The following NAP1L4 variants were observed in gnomAD, a reference collection of about 807,000 sequenced individuals.
NAP1L4 encodes the protein nucleosome assembly protein 1-like 4.
NAP1L4 carries 15 observed loss-of-function variants against 58.2 expected under a neutral mutation model. The observed-to-expected ratio is 0.26, with a 90% CI of 0.17 to 0.40. The LOEUF is 0.40. NAP1L4 is among the 10% of genes least tolerant of loss of function. NAP1L4 has a pLI of 1.00. For synonymous variants in NAP1L4, 171 were observed against 155.6 expected, an observed-to-expected ratio of 1.10 and a Z score of -0.74; for missense variants, 384 against 451.1, an observed-to-expected ratio of 0.85 and a Z score of 1.35.
At position 2,946,722 on chromosome 11, in the gene NAP1L4, C is replaced by T. The variant is rs1845957487; in HGVS notation, c.*33-1076G>A. Among the ~76,000 whole-genome samples the T allele has an allele frequency of 6.6e-6, 1 of 152,202 alleles. No individual in the cohort carries two copies. Among genetic ancestry groups the T allele is most frequent in the African/African-American group, 2.4e-5 (1 of 41,454 alleles). On this transcript the variant is annotated intron_variant, in intron 15 of 15. Coordinates refer to ENST00000380542, the MANE Select transcript of NAP1L4 (RefSeq NM_005969.4). The surrounding 1 kb of genome is among the most constrained non-coding windows in gnomAD (Gnocchi z 4.8). ...AAAACAAAATCAATAACCTTGAACC[C>T]TGGTGTCTAAGCTCCCAATCTCAGC...
chr11:2,966,970 G>C (rs1847317352), intron 7 of NAP1L4, among the ~76,000 whole-genome samples: 1 of 152,200 alleles, frequency 6.6e-6, no homozygotes, highest in Non-Finnish European at 1.5e-5. Context: ...AGGAAGCAAA[G>C]GCACAACACT....
chr11:2,987,275 T>A (rs958708340), intron 1 of NAP1L4, among the ~76,000 whole-genome samples: 2 of 151,994 alleles, frequency 1.3e-5, no homozygotes, highest in African/African-American at 4.8e-5. Flanking sequence ...GTTGTTAAAC[T>A]TTCCATGATA....
In NAP1L4 at chr11:2,944,648, C is replaced by G. The variant is rs986240438; in HGVS notation, c.*1031G>C. 1.3e-5 allele frequency: 2 copies of G among 152,266 alleles called. No homozygotes were observed. 9.4% of individuals were successfully genotyped at this position (152,266 alleles called of 1,614,324 possible). ...CAAGCGGTCACACCAAACCCAGGACCTTCAGACAGGATGAATGGTGGGGCC... is the reference window on the plus strand; with the variant it reads ...CAAGCGGTCACACCAAACCCAGGACGTTCAGACAGGATGAATGGTGGGGCC... On this transcript the variant is annotated 3_prime_UTR_variant, in exon 16 of 16. Transcript: ENST00000380542.
rs1330220308 is a variant in NAP1L4, at chr11:2,958,499, G to C, written c.792C>G (p.Thr264=). 1 of 1,613,906 alleles carries C rather than the reference G, an allele frequency of 6.2e-7. No homozygotes were observed. Among genetic ancestry groups the C allele is most frequent in the East Asian group, 2.2e-5 (1 of 44,898 alleles). Residue 264 remains threonine, a synonymous_variant, in exon 10 of 16, where the codon ACC becomes ACG. Transcript: ENST00000380542. ...WKKGKNVTVK[T]IKKKQKHKGR... is the part of the protein sequence containing the mutation. Reference sequence around the variant, plus strand: ...CCTTATGCTTCTGCTTTTTCTTGATGGTTTTGACAGTAACATTCTTTCCTT... The same window carrying C: ...CCTTATGCTTCTGCTTTTTCTTGATCGTTTTGACAGTAACATTCTTTCCTT...
At position 2,978,358 on chromosome 11, in the gene NAP1L4, G is replaced by A; in HGVS notation, c.15-16C>T. The A allele has an allele frequency of 6.2e-7, 1 of 1,611,328 alleles. No homozygotes were observed. The highest frequency in any genetic ancestry group is 8.5e-7 in the Non-Finnish European group (1 of 1,177,998). ...ATCTGAAAAACTAAAACAACAGTATGTTTAAAAAGTATTACTGTAAAGAAA... is the reference window on the plus strand; with the variant it reads ...ATCTGAAAAACTAAAACAACAGTATATTTAAAAAGTATTACTGTAAAGAAA... On this transcript the variant is annotated splice_polypyrimidine_tract_variant and intron_variant, in intron 2 of 15. Coordinates refer to ENST00000380542, the MANE Select transcript of NAP1L4 (RefSeq NM_005969.4).
In NAP1L4 at chr11:2,954,286, G is replaced by A. The variant is rs1846398947; in HGVS notation, c.1035+241C>T. The stretch of plus-strand genomic sequence containing the variant: ...GAGTCACTAGGCAGGGCTCACATAG[G>A]AAACTGGCAATCACCTCTGAAACTG... On this transcript the variant is annotated intron_variant, in intron 12 of 15. Coordinates refer to ENST00000380542, the MANE Select transcript of NAP1L4 (RefSeq NM_005969.4). The surrounding 1 kb of genome is among the most constrained non-coding windows in gnomAD (Gnocchi z 4.8). 2 of 595,938 alleles carry A rather than the reference G, an allele frequency of 3.4e-6. No homozygotes were observed. Among genetic ancestry groups the A allele is most frequent in the Non-Finnish European group, 3.0e-6 (1 of 334,894 alleles). The allele number at this position is 595,938 out of a possible 1,614,324, so 36.9% of individuals were successfully genotyped here.
chr11:2,970,417 G>A (rs1048744800), intron 6 of NAP1L4, among the ~76,000 whole-genome samples: 1 of 151,364 alleles, frequency 6.6e-6, no homozygotes, highest in East Asian at 1.9e-4. Context: ...GGGGTGCTAA[G>A]TTGAAATAAA....
Position 2,955,180 on chromosome 11 carries a change from C to A in NAP1L4, c.916-534G>T, listed in dbSNP as rs533660737. On this transcript the variant is annotated intron_variant, in intron 11 of 15. Transcript: ENST00000380542. This position sits in a 1 kb window ranked among gnomAD's most constrained non-coding sequence, Gnocchi z 4.2. ...CCAGCGACCCTGGAACTACACAGTG[C>A]ACCACCATGTCCAGCTAATTTATTA... Among the ~76,000 whole-genome samples, 1 of 152,146 alleles carries A rather than the reference C, an allele frequency of 6.6e-6. No homozygotes were observed. Among genetic ancestry groups the A allele is most frequent in the East Asian group, 1.9e-4 (1 of 5,168 alleles).
intron 1 of NAP1L4, among the ~76,000 whole-genome samples, chr11:2,982,908 C>A (rs1036984164): frequency 6.6e-6 from 1 of 152,114 alleles, no homozygotes; most frequent in African/African-American, 2.4e-5. Flanking sequence ...GTAATCCCAG[C>A]AACTGGGAGG....
chr11:2,976,780 T>G (rs1346028914), intron 3 of NAP1L4, among the ~76,000 whole-genome samples: 1 of 152,184 alleles, frequency 6.6e-6, no homozygotes, highest in Non-Finnish European at 1.5e-5. Context: ...CATTTCCCAA[T>G]AAACCAATGA....
chr11:2,967,395 G>A (rs1265112473), intron 7 of NAP1L4, among the ~76,000 whole-genome samples: 1 of 152,182 alleles, frequency 6.6e-6, no homozygotes, highest in African/African-American at 2.4e-5. Context: ...GGCGGATGAT[G>A]AGGTCAGCAG....
intron 4 of NAP1L4, among the ~76,000 whole-genome samples, chr11:2,974,826 A>T (rs149311032): frequency 2.0e-5 from 3 of 152,328 alleles, no homozygotes; most frequent in Non-Finnish European, 4.4e-5. Context: ...AAACCTGAAC[A>T]CTCAGCACAT....
At position 2,969,908 on chromosome 11, in the gene NAP1L4, G is replaced by A; in HGVS notation, c.429C>T (p.Val143=). 1 of 1,613,396 alleles carries A rather than the reference G, an allele frequency of 6.2e-7. No homozygotes were observed. Among genetic ancestry groups the A allele is most frequent in the South Asian group, 1.1e-5 (1 of 90,906 alleles). The change falls in exon 7 of 16, where the codon GTC becomes GTT. Residue 143 remains valine, a synonymous_variant. Transcript: ENST00000380542. ...LAGDMKSKVV[V]TEKAAATAEE... ...CAGCCGTTGCCGCTGCTTTTTCTGT[G>A]ACGACTACTTTACTTTTCATGTCTC...
At chr11:2,970,189 A>G (rs1847555083) in intron 6 of NAP1L4, among the ~76,000 whole-genome samples, 1 of 152,212 alleles carries the variant, frequency 6.6e-6, no homozygotes, top group African/African-American at 2.4e-5. Flanking sequence ...AAGAGATGAC[A>G]AAGTGCCACC....
At chr11:2,965,546 A>G (rs7104558) in intron 7 of NAP1L4, among the ~76,000 whole-genome samples, 44,557 of 152,024 alleles carry the variant, frequency 0.29, 7,522 homozygotes, top group African/African-American at 0.46. Context: ...CAATACACAC[A>G]GTCACTTCTT....
chr11:2,989,358 A>C (rs1429746429), intron 1 of NAP1L4: 2 of 152,208 alleles, frequency 1.3e-5, no homozygotes. Context: ...ATTCAAATAT[A>C]AACCATCATG....
At chr11:2,991,495 A>G (rs1014143103) in intron 1 of NAP1L4, among the ~76,000 whole-genome samples, 7 of 152,122 alleles carry the variant, frequency 4.6e-5, no homozygotes, top group Non-Finnish European at 1.0e-4. Context: ...TAAATAGTAA[A>G]CAGACTTGCT....
chr11:2,951,250 GT>G lies in NAP1L4; in HGVS notation c.1122+8del. 1 of 1,613,386 alleles carries G rather than the reference GT, an allele frequency of 6.2e-7. No homozygotes were observed. Among genetic ancestry groups the G allele is most frequent in the East Asian group, 2.2e-5 (1 of 44,860 alleles). On this transcript the variant is annotated splice_region_variant and intron_variant, in intron 14 of 15. Coordinates refer to ENST00000380542, the MANE Select transcript of NAP1L4 (RefSeq NM_005969.4). The surrounding 1 kb of genome is among the most constrained non-coding windows in gnomAD (Gnocchi z 4.0). ...ATAAGTAGGTCTGGGTGGCCCCAAA[GT>G]TACCAACCTTGGGGTTAATTTCCGC...
Position 2,949,303 on chromosome 11 carries a change from A to C in NAP1L4, c.1123-39T>G. On this transcript the variant is annotated intron_variant, in intron 14 of 15. Transcript: ENST00000380542. The surrounding 1 kb of genome is among the most constrained non-coding windows in gnomAD (Gnocchi z 4.0). ...AAAATTGAAAGGAACTGTCAGCATG[A>C]AAGAAAATGAAATGCACAAAATTAT... 2 of 1,515,364 alleles carry C rather than the reference A, an allele frequency of 1.3e-6. No homozygotes were observed. The highest frequency in any genetic ancestry group is 1.8e-6 in the Non-Finnish European group (2 of 1,090,320). 93.9% of individuals were successfully genotyped at this position (1,515,364 alleles called of 1,614,324 possible).
Sources: gnomAD v4.1 joint callset for allele counts (sites outside exome capture counted in the v4.1 genomes callset) on GRCh38, gnomAD v4.1.1 for gene constraint, Gnocchi (gnomAD v3.1) non-coding constraint, MANE v1.5 for transcripts, NCBI Gene and HGNC (gene_info 2026-07-23, HGNC 2026-07-21) for gene names.